Variants in GTF2A2 observed in about 807,000 individuals in gnomAD.
GTF2A2 encodes general transcription factor IIA subunit 2.
A neutral mutation model predicts 14.3 loss-of-function variants in GTF2A2; 9 were observed. The ratio of observed to expected loss-of-function variants is 0.63; its 90% CI spans 0.38 to 1.10. The LOEUF (loss-of-function observed/expected upper bound fraction) is 1.10. Among genes scored for constraint, GTF2A2 ranks in the 50% least tolerant of loss-of-function variants. The pLI is 0.01. For synonymous variants in GTF2A2, 56 were observed against 46.0 expected, an observed-to-expected ratio of 1.22 and a Z score of -0.88; for missense variants, 90 against 124.6, an observed-to-expected ratio of 0.72 and a Z score of 1.32.
At chr15:59,650,289 C>G (rs1295824439) in intron 3 of GTF2A2, among the ~76,000 whole-genome samples, 2 of 152,146 alleles carry the variant, frequency 1.3e-5, no homozygotes, top group Non-Finnish European at 2.9e-5. Flanking sequence ...CTCTACTTCC[C>G]TGGAACGGGG....
chr15:59,640,918 A>G (rs988060298), intron 4 of GTF2A2, among the ~76,000 whole-genome samples: 1 of 143,742 alleles, frequency 7.0e-6, no homozygotes, highest in Middle Eastern at 3.5e-3. Context: ...ACTATGCCCA[A>G]AGTTCTTAGA....
chr15:59,640,031 G>C (rs1343222907), intron 4 of GTF2A2: 4 of 152,480 alleles, frequency 2.6e-5, no homozygotes, highest in Admixed American at 2.6e-4. Flanking sequence ...GATTACAGGC[G>C]TGAGCCACTG....
At chr15:59,642,955 T>C (rs762805733) in intron 3 of GTF2A2, among the ~76,000 whole-genome samples, 6 of 151,398 alleles carry the variant, frequency 4.0e-5, no homozygotes, top group South Asian at 2.1e-4. Context: ...TTAGCAGAGA[T>C]GGTGTTTCAC....
rs1353997389 is a variant in GTF2A2, at chr15:59,643,102, C to CAA, written c.178-841_178-840insTT. ...TTTTTTTTTTTTTTTTTTTTTGAGACAGAGTCTCACTCTGTTGCCCAGGCT... is the reference window on the plus strand; with the variant it reads ...TTTTTTTTTTTTTTTTTTTTTGAGACAAAGAGTCTCACTCTGTTGCCCAGGCT... On this transcript the variant is annotated intron_variant, in intron 3 of 4. Coordinates refer to ENST00000396060, the MANE Select transcript of GTF2A2 (RefSeq NM_004492.3). 8.4e-4 allele frequency among the ~76,000 whole-genome samples: 85 copies of CAA among 101,624 alleles called. 1 individual carries two copies. Among genetic ancestry groups the CAA allele is most frequent in the Middle Eastern group, 0.01 (1 of 96 alleles). 66.7% of individuals were successfully genotyped at this position (101,624 alleles called of 152,430 possible). A position where few individuals can be genotyped will look rare whatever the true frequency, so the allele number is the denominator to read the frequency against.
chr15:59,641,387 T>G (rs1219786401), intron 4 of GTF2A2, among the ~76,000 whole-genome samples: 3 of 152,124 alleles, frequency 2.0e-5, no homozygotes, highest in Non-Finnish European at 4.4e-5. Context: ...AAATGCAAAA[T>G]ATATAAAACA....
At chr15:59,654,866 T>C (rs1160606143) in intron 1 of GTF2A2, among the ~76,000 whole-genome samples, 2 of 152,180 alleles carry the variant, frequency 1.3e-5, no homozygotes, top group African/African-American at 2.4e-5. Flanking sequence ...GCATCGTATA[T>C]ACTTAGTGAT....
intron 3 of GTF2A2, among the ~76,000 whole-genome samples, chr15:59,645,291 T>C (rs1891566184): frequency 6.6e-6 from 1 of 152,150 alleles, no homozygotes; most frequent in Non-Finnish European, 1.5e-5. Context: ...TGATATTCAG[T>C]TTAACCAAAG....
rs575271023 is a variant in GTF2A2 at position 59,643,397 on chromosome 15, G to C, written c.178-1135C>G. On this transcript the variant is annotated intron_variant, in intron 3 of 4. Transcript: ENST00000396060. The stretch of plus-strand genomic sequence containing the variant: ...ACCAGCCTATTTTAATATTTAAAAA[G>C]AAATAGAGACAGGGTCTTGTTATGT... 2.6e-5 allele frequency among the ~76,000 whole-genome samples: 4 copies of C among 151,622 alleles called. No homozygotes were observed. The South Asian group carries it at 8.3e-4, about 31-fold the overall frequency.
At position 59,657,513 on chromosome 15, in the gene GTF2A2, A is replaced by G. The variant is rs1363743836; in HGVS notation, c.-157T>C. 6.6e-6 allele frequency: 1 copy of G among 152,354 alleles called. No homozygotes were observed. Among genetic ancestry groups the G allele is most frequent in the Non-Finnish European group, 1.5e-5 (1 of 68,184 alleles). 9.4% of individuals were successfully genotyped at this position (152,354 alleles called of 1,614,324 possible). ...CTCCAGCCGCCGCAGAAACCGCAGA[A>G]CTGAGCTGACGACCCGGAAGTGCTC... is the stretch of plus-strand genomic sequence containing the variant. On this transcript the variant is annotated 5_prime_UTR_variant, in exon 1 of 5. Coordinates refer to ENST00000396060, the MANE Select transcript of GTF2A2 (RefSeq NM_004492.3).
chr15:59,643,073 T>A (rs922552780), intron 3 of GTF2A2, among the ~76,000 whole-genome samples: 178 of 22,178 alleles, frequency 8.0e-3, no homozygotes, highest in Non-Finnish European at 0.011. Context: ...GCCTATATAA[T>A]TTTTTTTTTT....
intron 3 of GTF2A2, among the ~76,000 whole-genome samples, chr15:59,647,481 T>C (rs536695610): frequency 7.1e-4 from 108 of 152,346 alleles, no homozygotes; most frequent in African/African-American, 2.5e-3. Flanking sequence ...TTTGGTCAAA[T>C]ATTACTTTTA....
chr15:59,648,571 C>A (rs1318939846), intron 3 of GTF2A2, among the ~76,000 whole-genome samples: 1 of 151,962 alleles, frequency 6.6e-6, no homozygotes, highest in Admixed American at 6.6e-5. Context: ...AGCTCTCATA[C>A]TTAAGAGGAT....
At chr15:59,643,642 G>C (rs11854756) in intron 3 of GTF2A2, among the ~76,000 whole-genome samples, 2 of 148,336 alleles carry the variant, frequency 1.3e-5, no homozygotes, top group Non-Finnish European at 3.0e-5. Context: ...CTGTGGCCCA[G>C]GCTGGAGGGC....
intron 4 of GTF2A2, among the ~76,000 whole-genome samples, chr15:59,639,590 G>A (rs1308736060): frequency 1.3e-5 from 2 of 150,722 alleles, no homozygotes; most frequent in African/African-American, 4.9e-5. Context: ...AGCCTCCCGA[G>A]TAGCTGGGAC....
chr15:59,640,294 ACAGGAGCTCC>A (rs1440839941), intron 4 of GTF2A2: 1 of 152,178 alleles, frequency 6.6e-6, no homozygotes, highest in Non-Finnish European at 1.5e-5. Context: ...GGACTACCAG[ACAGGAGCTCC>A]TATCAGTAAA....
At chr15:59,640,584 G>A (rs1010673882) in intron 4 of GTF2A2, among the ~76,000 whole-genome samples, 25 of 152,254 alleles carry the variant, frequency 1.6e-4, no homozygotes, top group African/African-American at 5.5e-4. Context: ...AGCCATGAGT[G>A]GCTATTGGAA....
chr15:59,650,586 A>C (rs1346243038), intron 3 of GTF2A2, 83 bp downstream of exon 3: 2 of 723,220 alleles, frequency 2.8e-6, no homozygotes, highest in African/African-American at 3.5e-5. Flanking sequence ...CTTATGATTA[A>C]TAAATATGTA....
intron 2 of GTF2A2, chr15:59,651,892 T>C: frequency 4.6e-6 from 1 of 219,296 alleles, no homozygotes; most frequent in Non-Finnish European, 9.1e-6. Context: ...CTATGTTGCT[T>C]AAGCTGGTCT....
Position 59,639,177 on chromosome 15 carries a change from G to GTAAAGTAAAGTAAATTCA in GTF2A2, c.305-38_305-21dup. On this transcript the variant is annotated intron_variant, in intron 4 of 4. Transcript: ENST00000396060. ...CAGTATCTAGGAAACAAAAGAGAAAGTAAAGTAAAGTAAATTCAAGGAGCA... is the reference window on the plus strand; with the variant it reads ...CAGTATCTAGGAAACAAAAGAGAAAGTAAAGTAAAGTAAATTCATAAAGTAAAGTAAATTCAAGGAGCA... 2 of 1,209,816 alleles carry GTAAAGTAAAGTAAATTCA rather than the reference G, an allele frequency of 1.7e-6. No homozygotes were observed. Among genetic ancestry groups the GTAAAGTAAAGTAAATTCA allele is most frequent in the Non-Finnish European group, 2.2e-6 (2 of 890,350 alleles). The allele number at this position is 1,209,816 out of a possible 1,614,324, so 74.9% of individuals were successfully genotyped here. A position where few individuals can be genotyped will look rare whatever the true frequency, so the allele number is the denominator to read the frequency against.
Sources: allele counts gnomAD v4.1 joint callset (sites outside exome capture counted in the v4.1 genomes callset), GRCh38; gene constraint gnomAD v4.1.1; transcripts MANE v1.5; gene names NCBI Gene and HGNC (gene_info 2026-07-23, HGNC 2026-07-21).